HDAC4: variants seen among roughly 807,000 people sequenced by gnomAD.
The protein encoded by HDAC4 is histone deacetylase A.
Under a neutral mutation model 135.1 loss-of-function variants are expected in HDAC4, and 16 were observed. The ratio of observed to expected loss-of-function variants is 0.12; its 90% CI spans 0.08 to 0.18. The LOEUF (loss-of-function observed/expected upper bound fraction) is 0.18. HDAC4 is among the 10% of genes least tolerant of loss of function. The pLI, the probability that HDAC4 is intolerant of heterozygous loss-of-function variation, is 1.00. For synonymous variants in HDAC4, 685 were observed against 653.4 expected (o/e 1.05, Z -0.74); for missense variants, 1,143 against 1,511.8 (o/e 0.76, Z 4.05).
intron 8 of HDAC4, among the ~76,000 whole-genome samples, chr2:239,140,391 C>T (rs569742901): frequency 1.6e-4 from 24 of 152,236 alleles, no homozygotes; most frequent in Non-Finnish European, 2.6e-4. Context: ...GACCAGGTTC[C>T]GCTCTGACTG....
intron 2 of HDAC4, among the ~76,000 whole-genome samples, chr2:239,239,223 T>C (rs2048049342): frequency 6.6e-6 from 1 of 152,192 alleles, no homozygotes. Context: ...AAAGATCGGC[T>C]ATAAATCAGG....
intron 2 of HDAC4, among the ~76,000 whole-genome samples, chr2:239,250,856 G>A (rs906609138): frequency 4.6e-5 from 7 of 152,356 alleles, no homozygotes; most frequent in Middle Eastern, 3.4e-3. Flanking sequence ...AGAGCTGCCA[G>A]AGATGGGACT....
At chr2:239,347,041 CCT>C (rs1450973679) in intron 2 of HDAC4, among the ~76,000 whole-genome samples, 5 of 151,012 alleles carry the variant, frequency 3.3e-5, no homozygotes, top group African/African-American at 1.2e-4. Context: ...ACACATACAC[CCT>C]GATTCACACA....
At chr2:239,174,619 C>T (rs1057218898) in intron 5 of HDAC4, among the ~76,000 whole-genome samples, 1 of 152,006 alleles carries the variant, frequency 6.6e-6, no homozygotes, top group Non-Finnish European at 1.5e-5. Context: ...ACATGCATGC[C>T]CCAAAGTTCA....
Position 239,057,396 on chromosome 2 carries a change from G to A in HDAC4, c.3004-2563C>T, listed in dbSNP as rs149217243. 3.3e-3 allele frequency among the ~76,000 whole-genome samples: 498 copies of A among 152,246 alleles called. 4 individuals are homozygous for A. Among genetic ancestry groups the A allele is most frequent in the African/African-American group, 0.011 (466 of 41,524 alleles). On this transcript the variant is annotated intron_variant, in intron 24 of 26. Coordinates refer to ENST00000543185, the MANE Select transcript of HDAC4 (RefSeq NM_001378414.1). ...ATGAAACAACCAGAGATTTATGAAC[G>A]TGACATGGAAGATGTGAGACCCAAG...
rs150739220 is a variant in HDAC4 at position 239,201,094 on chromosome 2, G to A, written c.95-11017C>T. ...TATTAATTCATTTAAGGGACACCCC[G>A]CTTGACAGGTGTGGGAAACTGATGT... On this transcript the variant is annotated intron_variant, in intron 3 of 26. Transcript: ENST00000543185. Among the ~76,000 whole-genome samples, 342 of 152,286 alleles carry A rather than the reference G, an allele frequency of 2.2e-3. 2 individuals are homozygous for A. Among genetic ancestry groups the A allele is most frequent in the African/African-American group, 7.6e-3 (317 of 41,564 alleles).
At chr2:239,369,475 A>C (rs2125999391) in intron 1 of HDAC4, among the ~76,000 whole-genome samples, 1 of 152,272 alleles carries the variant, frequency 6.6e-6, no homozygotes, top group Non-Finnish European at 1.5e-5. Flanking sequence ...AGCGAAACTC[A>C]GAGGTTCGTT....
chr2:239,234,581 A>C (rs1377386437), intron 3 of HDAC4, among the ~76,000 whole-genome samples: 1 of 152,204 alleles, frequency 6.6e-6, no homozygotes, highest in East Asian at 1.9e-4. Flanking sequence ...AAGCTGACAC[A>C]TATCTTTCAT....
At chr2:239,057,657 C>T (rs1279767671) in intron 24 of HDAC4, among the ~76,000 whole-genome samples, 1 of 152,188 alleles carries the variant, frequency 6.6e-6, no homozygotes, top group African/African-American at 2.4e-5. Context: ...ATTGTTTATC[C>T]AGTGAAACTA....
chr2:239,375,678 C>T (rs114414134), intron 1 of HDAC4, among the ~76,000 whole-genome samples: 1,782 of 152,316 alleles, frequency 0.012, 25 homozygotes, highest in South Asian at 0.026. Flanking sequence ...GCTCCAGTGG[C>T]GCAGCAGAAG....
intron 15 of HDAC4, 41 bp from the exon 16 acceptor site, chr2:239,102,937 A>T (rs1005280776): frequency 6.2e-7 from 1 of 1,613,126 alleles, no homozygotes; most frequent in Middle Eastern, 1.7e-4. Context: ...GTTCTGCAGA[A>T]GCTGCTGCTT....
At chr2:239,255,645 A>G (rs974476264) in intron 2 of HDAC4, among the ~76,000 whole-genome samples, 7 of 152,206 alleles carry the variant, frequency 4.6e-5, no homozygotes, top group African/African-American at 1.4e-4. Flanking sequence ...TTCTCATTAT[A>G]AGGAGGAAGA....
chr2:239,291,176 C>T (rs1481549000), intron 2 of HDAC4, among the ~76,000 whole-genome samples: 2 of 152,234 alleles, frequency 1.3e-5, no homozygotes, highest in East Asian at 3.9e-4. Flanking sequence ...GTTCAGCCCC[C>T]TTTTGACTGG....
In HDAC4 at chr2:239,150,952, C is replaced by A. The variant is rs188137761; in HGVS notation, c.733+5700G>T. The stretch of plus-strand genomic sequence containing the variant: ...CTCCTGAAGTATGTACTACATTACA[C>A]CTTTACATACAGCAGCAGGAAGTGT... On this transcript the variant is annotated intron_variant, in intron 7 of 26. Transcript: ENST00000543185. Among the ~76,000 whole-genome samples the A allele has an allele frequency of 2.0e-3, 305 of 152,372 alleles. 4 individuals are homozygous for A. The highest frequency in any genetic ancestry group is 7.3e-4 in the Non-Finnish European group (50 of 68,034).
Position 239,283,997 on chromosome 2 carries a change from C to T in HDAC4, c.23-47333G>A, listed in dbSNP as rs142095643. 2.2e-4 allele frequency among the ~76,000 whole-genome samples: 34 copies of T among 152,300 alleles called. 1 individual carries two copies. In the East Asian group the frequency reaches 6.4e-3, roughly 29 times the overall value. ...GGTGAGGCCCCGAAGGCGCCAAGGG[C>T]GTCGGCGCAGGGGCCCCCAGCCAGT... On this transcript the variant is annotated intron_variant, in intron 2 of 26. Coordinates refer to ENST00000543185, the MANE Select transcript of HDAC4 (RefSeq NM_001378414.1).
At chr2:239,054,696 C>T in intron 25 of HDAC4, 53 bp downstream of exon 25, 2 of 1,108,898 alleles carry the variant, frequency 1.8e-6, no homozygotes, top group South Asian at 1.2e-5. Context: ...GGGTGTGGTG[C>T]AGTCCCACCC....
rs747103441 is a variant in HDAC4 at position 239,156,674 on chromosome 2, A to G, written c.711T>C (p.Asp237=). The G allele has an allele frequency of 1.2e-6, 2 of 1,614,124 alleles. No homozygotes were observed. Among genetic ancestry groups the G allele is most frequent in the Non-Finnish European group, 8.5e-7 (1 of 1,180,022 alleles). The change falls in exon 7 of 27, where the codon GAT becomes GAC. Residue 237 remains aspartate (D), a synonymous_variant. Transcript: ENST00000543185. ...GACCTGTTTTCCTAAGAGGGAAGTCATCTTTGGCGTCGTACATTCCCAGGA... is the reference window on the plus strand; with the variant it reads ...GACCTGTTTTCCTAAGAGGGAAGTCGTCTTTGGCGTCGTACATTCCCAGGA... ...HPVLGMYDAK[D]DFPLRKTASE...
At chr2:239,336,914 A>G (rs1691975181) in intron 2 of HDAC4, among the ~76,000 whole-genome samples, 1 of 152,210 alleles carries the variant, frequency 6.6e-6, no homozygotes, top group African/African-American at 2.4e-5. Flanking sequence ...TAGGTGTCGC[A>G]TGTCCTGAGA....
chr2:239,326,868 G>A (rs2125795410), intron 2 of HDAC4, among the ~76,000 whole-genome samples: 1 of 152,298 alleles, frequency 6.6e-6, no homozygotes, highest in African/African-American at 2.4e-5. Flanking sequence ...ATGCTGATGG[G>A]AGCCTGTGGG....
Sources: allele counts gnomAD v4.1 joint callset (sites outside exome capture counted in the v4.1 genomes callset), GRCh38; gene constraint gnomAD v4.1.1; transcripts MANE v1.5; gene names NCBI Gene and HGNC (gene_info 2026-07-23, HGNC 2026-07-21).